DDX11: variants seen among roughly 807,000 people sequenced by gnomAD.
DDX11 encodes the protein DEAD/H-box helicase 11.
DDX11 carries 72 observed loss-of-function variants against 125.2 expected under a neutral mutation model. The ratio of observed to expected loss-of-function variants is 0.58; its 90% CI spans 0.48 to 0.70. The LOEUF is 0.70. Among genes scored for constraint, DDX11 ranks in the 30% least tolerant of loss-of-function variants. DDX11 has a pLI of 0.00. For synonymous variants in DDX11, 347 were observed against 452.6 expected, an observed-to-expected ratio of 0.77 and a Z score of 2.96; for missense variants, 883 against 1,165.0, an observed-to-expected ratio of 0.76 and a Z score of 3.52.
At chr12:31,078,276 A>G in intron 1 of DDX11, 114 bp from the exon 2 acceptor site, 2 of 1,606,602 alleles carry the variant, frequency 1.2e-6, no homozygotes, top group Non-Finnish European at 1.7e-6. Context: ...TCCCAGAAAA[A>G]AGGAGAAATT....
rs150002506 is a variant in DDX11 at position 31,078,432 on chromosome 12, T to C, written c.39T>C (p.Phe13=). The C allele has an allele frequency of 1.0e-4, 166 of 1,610,316 alleles. No homozygotes were observed. In the African/African-American group the frequency reaches 2.1e-3, roughly 20 times the overall value. ...CACAGAAGGTTGGTGCCATCCATTT[T>C]CCTTTTCCCTTCACACCCTATTCCA... The part of the protein sequence containing the change: ...NETQKVGAIH[F]PFPFTPYSIQ... The change falls in exon 2 of 27, where the codon TTT becomes TTC. Residue 13 remains phenylalanine, a synonymous_variant. Transcript: ENST00000542838.
Position 31,084,065 on chromosome 12 carries a change from A to T in DDX11, c.393+4A>T. ...GGACCTGGTGGACCGACTAAAGGTG[A>T]GACCTGGGGTATCCGGAAGTGGGAG... On this transcript the variant is annotated splice_donor_region_variant and intron_variant, in intron 3 of 26. Transcript: ENST00000542838. The T allele has an allele frequency of 6.2e-7, 1 of 1,613,840 alleles. No homozygotes were observed.
At chr12:31,078,819 C>T (rs1369089385) in intron 2 of DDX11, among the ~76,000 whole-genome samples, 1 of 151,942 alleles carries the variant, frequency 6.6e-6, no homozygotes, top group Non-Finnish European at 1.5e-5. Flanking sequence ...TCTTGAGTTG[C>T]TGGGACTACA....
At position 31,093,228 on chromosome 12, in the gene DDX11, C is replaced by T. The variant is rs756361185; in HGVS notation, c.1290-17C>T. The T allele has an allele frequency of 9.3e-6, 15 of 1,608,620 alleles. No individual in the cohort carries two copies. Among genetic ancestry groups the T allele is most frequent in the Non-Finnish European group, 1.2e-5 (14 of 1,177,152 alleles). Reference sequence around the variant, plus strand: ...CATCAGGGCACCACCACTTAATGTCCGTTGGCTTCTTCTCAGGAAGCGTTT... The same window carrying T: ...CATCAGGGCACCACCACTTAATGTCTGTTGGCTTCTTCTCAGGAAGCGTTT... On this transcript the variant is annotated splice_polypyrimidine_tract_variant and intron_variant, in intron 11 of 26. Coordinates refer to ENST00000542838, the MANE Select transcript of DDX11 (RefSeq NM_030653.4).
At chr12:31,091,999 C>A in intron 10 of DDX11, 128 bp downstream of exon 10, 2 of 1,315,222 alleles carry the variant, frequency 1.5e-6, no homozygotes, top group Non-Finnish European at 2.2e-6. Flanking sequence ...CGAGTCAAGG[C>A]GGTGACCTCA....
chr12:31,079,968 AT>A (rs1941550612), intron 2 of DDX11, among the ~76,000 whole-genome samples: 1 of 148,340 alleles, frequency 6.7e-6, no homozygotes, highest in Non-Finnish European at 1.5e-5. Context: ...GACTTGACAG[AT>A]TTCAGCATGA....
At chr12:31,091,541 T>C in intron 9 of DDX11, 178 bp from the exon 10 acceptor site, 1 of 627,600 alleles carries the variant, frequency 1.6e-6, no homozygotes. Context: ...GTTTCATGTA[T>C]TGGCTTTTCA....
chr12:31,076,231 G>C (rs888302369), intron 1 of DDX11, among the ~76,000 whole-genome samples: 1 of 152,166 alleles, frequency 6.6e-6, no homozygotes, highest in East Asian at 1.9e-4. Context: ...ACGTGTAAGC[G>C]AAAGTTTGGG....
At chr12:31,100,452 C>T (rs537374806) in intron 18 of DDX11, 183 bp from the exon 19 acceptor site, 30 of 562,182 alleles carry the variant, frequency 5.3e-5, no homozygotes, top group East Asian at 1.9e-4. Flanking sequence ...ATAGTTTAAA[C>T]GAGACTGCCA....
chr12:31,091,156 T>A (rs1944136554), intron 9 of DDX11: 1 of 152,358 alleles, frequency 6.6e-6, no homozygotes, highest in Non-Finnish European at 1.5e-5. Flanking sequence ...ATTTTTTATA[T>A]GAGTATTCCT....
At chr12:31,103,468 C>T in intron 25 of DDX11, 73 bp downstream of exon 25, 3 of 1,602,234 alleles carry the variant, frequency 1.9e-6, no homozygotes, top group Non-Finnish European at 2.6e-6. Flanking sequence ...GAGGGGTTGC[C>T]TGCCCTGTTT....
intron 21 of DDX11, 39 bp downstream of exon 21, chr12:31,102,021 A>G: frequency 1.2e-6 from 2 of 1,601,298 alleles, no homozygotes; most frequent in South Asian, 2.2e-5. Context: ...TTGTGAGGAC[A>G]GTGCCACTGA....
At chr12:31,087,518 T>C in intron 5 of DDX11, 1 of 325,208 alleles carries the variant, frequency 3.1e-6, no homozygotes, top group Non-Finnish European at 6.1e-6. Flanking sequence ...TGCTGCTATC[T>C]CAGAGTTGAC....
intron 17 of DDX11, among the ~76,000 whole-genome samples, chr12:31,097,581 G>A (rs1227939057): frequency 1.3e-5 from 2 of 148,992 alleles, no homozygotes; most frequent in African/African-American, 2.5e-5. Flanking sequence ...TCGGGAGGCT[G>A]AGGCAGGAAA....
intron 11 of DDX11, 61 bp downstream of exon 11, chr12:31,092,953 T>G: frequency 6.3e-7 from 1 of 1,595,042 alleles, no homozygotes; most frequent in Admixed American, 1.7e-5. Context: ...CGTGGGCCTC[T>G]GAGAGGCAGG....
At chr12:31,088,169 G>C (rs1256341469) in intron 6 of DDX11, among the ~76,000 whole-genome samples, 186 bp downstream of exon 6, 2 of 152,196 alleles carry the variant, frequency 1.3e-5, no homozygotes, top group Non-Finnish European at 2.9e-5. Flanking sequence ...TTGGCCAGCT[G>C]CAGTGGACCC....
chr12:31,094,927 G>A (rs1944952384), intron 14 of DDX11, 105 bp downstream of exon 14: 11 of 1,258,044 alleles, frequency 8.7e-6, no homozygotes, highest in African/African-American at 1.5e-5. Context: ...AAGCAAAACA[G>A]ATGTGTAATT....
Position 31,104,583 on chromosome 12 carries a change from TC to T in DDX11, c.*749del, listed in dbSNP as rs1946925003. The T allele has an allele frequency of 6.4e-6, 1 of 155,386 alleles. No individual in the cohort carries two copies. The allele number at this position is 155,386 out of a possible 1,614,324, so 9.6% of individuals were successfully genotyped here. A position where few individuals can be genotyped will look rare whatever the true frequency, so the allele number is the denominator to read the frequency against. Reference sequence around the variant, plus strand: ...CCCGTGTCATCACGGAGACCTTTGTTCCTGTGGGAAAATATCCCTCCCACCT... The same window carrying T: ...CCCGTGTCATCACGGAGACCTTTGTTCTGTGGGAAAATATCCCTCCCACCT... On this transcript the variant is annotated 3_prime_UTR_variant, in exon 27 of 27. Coordinates refer to ENST00000542838, the MANE Select transcript of DDX11 (RefSeq NM_030653.4).
chr12:31,083,861 T>C lies in DDX11; in HGVS notation c.193T>C (p.Phe65Leu). 9.9e-6 allele frequency: 16 copies of C among 1,612,678 alleles called. 1 individual carries two copies. The highest frequency in any genetic ancestry group is 1.4e-5 in the Non-Finnish European group (16 of 1,179,864). ...ICGALSWLRD[F>L]EQKKREEEAR... Reference sequence around the variant, plus strand: ...TGGGGCCCTCTCTTGGCTCCGTGACTTTGAACAGAAGAAGCGTGAAGAAGA... The same window carrying C: ...TGGGGCCCTCTCTTGGCTCCGTGACCTTGAACAGAAGAAGCGTGAAGAAGA... Residue 65 changes from phenylalanine to leucine, a missense_variant, in exon 3 of 27, where the codon TTT becomes CTT. Phe to Leu is a conservative substitution (Grantham distance 22, BLOSUM62 0). Around this residue, in one of 5 missense-constraint regions of DDX11, gnomAD observed 283 missense variants for 359.6 expected, o/e 0.79. Transcript: ENST00000542838.
Sources: allele counts gnomAD v4.1 joint callset (sites outside exome capture counted in the v4.1 genomes callset), GRCh38; gene constraint gnomAD v4.1.1; regional missense constraint gnomAD v4.1.1; transcripts MANE v1.5; gene names NCBI Gene and HGNC (gene_info 2026-07-23, HGNC 2026-07-21).